SH3GL1: variants seen among roughly 807,000 people sequenced by gnomAD.
The protein encoded by SH3GL1 is SH3 domain containing GRB2 like 1, endophilin A2.
SH3GL1 carries 21 observed loss-of-function variants against 48.8 expected under a neutral mutation model. That is an observed-to-expected ratio of 0.43 (90% confidence interval 0.30 to 0.62). The LOEUF (loss-of-function observed/expected upper bound fraction) is 0.62, where lower values mean the gene tolerates loss of function less well. Among genes scored for constraint, SH3GL1 ranks in the 20% least tolerant of loss-of-function variants. The pLI is 0.11. For missense variants in SH3GL1, 454 were observed against 503.0 expected, an observed-to-expected ratio of 0.90 and a Z score of 0.93; for synonymous variants, 282 against 217.5, an observed-to-expected ratio of 1.30 and a Z score of -2.61.
intron 1 of SH3GL1, among the ~76,000 whole-genome samples, chr19:4,379,932 C>A (rs1410620194): frequency 6.6e-6 from 1 of 152,218 alleles, no homozygotes; most frequent in Non-Finnish European, 1.5e-5. Flanking sequence ...GAGCTACGAG[C>A]AGTAAGAATA....
chr19:4,381,378 G>A (rs943391562), intron 1 of SH3GL1, among the ~76,000 whole-genome samples: 1 of 93,010 alleles, frequency 1.1e-5, no homozygotes, highest in Non-Finnish European at 2.0e-5. Flanking sequence ...TCTCCCATCT[G>A]TCCCCTCTGC....
chr19:4,370,324 G>A (rs1599599230), intron 1 of SH3GL1, among the ~76,000 whole-genome samples: 2 of 152,192 alleles, frequency 1.3e-5, no homozygotes, highest in Admixed American at 1.3e-4. Flanking sequence ...AGCGGACTCA[G>A]CAGTGGCAAT....
intron 1 of SH3GL1, among the ~76,000 whole-genome samples, chr19:4,396,787 C>A (rs1431343549): frequency 6.6e-6 from 1 of 152,160 alleles, no homozygotes; most frequent in Non-Finnish European, 1.5e-5. Flanking sequence ...TATCGTCTAC[C>A]TACTAGTAGC....
Position 4,400,514 on chromosome 19 carries a change from T to A in SH3GL1, c.-146A>T. On this transcript the variant is annotated 5_prime_UTR_variant, in exon 1 of 10. Transcript: ENST00000269886. The surrounding 1 kb of genome is among the most constrained non-coding windows in gnomAD (Gnocchi z 4.1). ...GCTCCGCGCCCGCCCCGGCGCCGCC[T>A]CAGCCGCTCGCGCGCCCGCGCGGCC... The A allele has an allele frequency of 1.8e-6, 1 of 568,462 alleles. No homozygotes were observed. The highest frequency in any genetic ancestry group is 2.3e-6 in the Non-Finnish European group (1 of 443,868). The allele number at this position is 568,462 out of a possible 1,614,324, so 35.2% of individuals were successfully genotyped here.
chr19:4,379,776 A>C (rs1442247575), intron 1 of SH3GL1, among the ~76,000 whole-genome samples: 1 of 152,016 alleles, frequency 6.6e-6, no homozygotes, highest in Non-Finnish European at 1.5e-5. Flanking sequence ...CACTGCCAGG[A>C]TGGCTGCTGC....
chr19:4,376,570 G>C lies in SH3GL1; in HGVS notation c.46-9576C>G, dbSNP rs541579053. On this transcript the variant is annotated intron_variant, in intron 1 of 9. Coordinates refer to ENST00000269886, the MANE Select transcript of SH3GL1 (RefSeq NM_003025.4). The surrounding 1 kb of genome is among the most constrained non-coding windows in gnomAD (Gnocchi z 4.3). Reference sequence around the variant, plus strand: ...CCTCACCTTCTCCCAACACACCACTGATGCCTCCTCTCTCGTGCGCCTGCC... The same window carrying C: ...CCTCACCTTCTCCCAACACACCACTCATGCCTCCTCTCTCGTGCGCCTGCC... Among the ~76,000 whole-genome samples, 7 of 151,952 alleles carry C rather than the reference G, an allele frequency of 4.6e-5. No homozygotes were observed. The highest frequency in any genetic ancestry group is 8.8e-5 in the Non-Finnish European group (6 of 67,974).
At chr19:4,392,099 G>A (rs112074341) in intron 1 of SH3GL1, among the ~76,000 whole-genome samples, 217 of 152,196 alleles carry the variant, frequency 1.4e-3, no homozygotes, top group African/African-American at 5.0e-3. Flanking sequence ...GCCTTGTCCC[G>A]GGCACAGCCT....
At chr19:4,393,868 T>A (rs1353509325) in intron 1 of SH3GL1, among the ~76,000 whole-genome samples, 1 of 152,038 alleles carries the variant, frequency 6.6e-6, no homozygotes, top group African/African-American at 2.4e-5. Flanking sequence ...ATCGTTGACA[T>A]TCTGAAACAC....
chr19:4,362,157 G>A (rs575390527), intron 9 of SH3GL1, among the ~76,000 whole-genome samples, 172 bp downstream of exon 9: 8 of 152,256 alleles, frequency 5.3e-5, no homozygotes, highest in Non-Finnish European at 1.2e-4. Flanking sequence ...CTGTGAGGCT[G>A]AGACCCAGAG....
At chr19:4,379,908 T>C (rs1973087589) in intron 1 of SH3GL1, among the ~76,000 whole-genome samples, 1 of 152,210 alleles carries the variant, frequency 6.6e-6, no homozygotes, top group Non-Finnish European at 1.5e-5. Context: ...AAGGGACTGG[T>C]GCTGCCACTT....
intron 1 of SH3GL1, among the ~76,000 whole-genome samples, chr19:4,382,181 A>T (rs1385396402): frequency 6.6e-6 from 1 of 151,256 alleles, no homozygotes. Flanking sequence ...TGGCCCCTCA[A>T]CAGCTATCTC....
chr19:4,382,253 C>CTTTTTTTT (rs34085741), intron 1 of SH3GL1, among the ~76,000 whole-genome samples: 2 of 102,348 alleles, frequency 2.0e-5, no homozygotes, highest in Non-Finnish European at 1.9e-5. Context: ...GCTCCGCTTT[C>CTTTTTTTT]TTTTTTTTTT....
rs1241347126 is a variant in SH3GL1, at chr19:4,400,300, G to A, written c.45+24C>T. On this transcript the variant is annotated intron_variant, in intron 1 of 9. Coordinates refer to ENST00000269886, the MANE Select transcript of SH3GL1 (RefSeq NM_003025.4). This position sits in a 1 kb window ranked among gnomAD's most constrained non-coding sequence, Gnocchi z 4.1. ...CGGGCAGCCCGGGGCCCGGTACTCG[G>A]CTCCCGCCTGGGCCTGCGCTCACCT... 1.2e-5 allele frequency: 19 copies of A among 1,590,514 alleles called. No homozygotes were observed. The highest frequency in any genetic ancestry group is 1.4e-5 in the Non-Finnish European group (16 of 1,172,216).
Position 4,367,085 on chromosome 19 carries a change from A to G in SH3GL1, c.46-91T>C. ...CTGAGCCGCCTTCCAGCCACATCGC[A>G]TCCACAGCTGGAGGCAGGAGGCCAA... is the stretch of plus-strand genomic sequence containing the variant. On this transcript the variant is annotated intron_variant, in intron 1 of 9. Coordinates refer to ENST00000269886, the MANE Select transcript of SH3GL1 (RefSeq NM_003025.4). The surrounding 1 kb of genome is among the most constrained non-coding windows in gnomAD (Gnocchi z 4.2). 1 of 1,183,406 alleles carries G rather than the reference A, an allele frequency of 8.5e-7. No homozygotes were observed. The highest frequency in any genetic ancestry group is 1.3e-6 in the Non-Finnish European group (1 of 789,282). 73.3% of individuals were successfully genotyped at this position (1,183,406 alleles called of 1,614,324 possible).
At chr19:4,380,237 C>A (rs1973093492) in intron 1 of SH3GL1, 1 of 152,424 alleles carries the variant, frequency 6.6e-6, no homozygotes, top group African/African-American at 2.4e-5. Context: ...GGTCTGGAGC[C>A]ATCACTGAGG....
At position 4,364,085 on chromosome 19, in the gene SH3GL1, C is replaced by A; in HGVS notation, c.465+3G>T. On this transcript the variant is annotated splice_donor_region_variant and intron_variant, in intron 5 of 9. Transcript: ENST00000269886. Reference sequence around the variant, plus strand: ...AGGCCCCAGGCTGGCGCAGGAGCAGCACCTGGATCTCCTTCAGGTCTTTCT... The same window carrying A: ...AGGCCCCAGGCTGGCGCAGGAGCAGAACCTGGATCTCCTTCAGGTCTTTCT... 6.2e-7 allele frequency: 1 copy of A among 1,612,164 alleles called. No individual in the cohort carries two copies. Among genetic ancestry groups the A allele is most frequent in the Non-Finnish European group, 8.5e-7 (1 of 1,180,022 alleles).
At position 4,362,402 on chromosome 19, in the gene SH3GL1, CGAG is replaced by C. The variant is rs773096734; in HGVS notation, c.854-20_854-18del. On this transcript the variant is annotated intron_variant, in intron 8 of 9. Transcript: ENST00000269886. ...ACGATGAAGCTAAACACAAGCAAAA[CGAG>C]GAGGCTGTGGGCTCAAAACGGTCGG... The C allele has an allele frequency of 2.4e-5, 38 of 1,607,188 alleles. No individual in the cohort carries two copies. The highest frequency in any genetic ancestry group is 3.4e-5 in the Admixed American group (2 of 58,986).
rs552687602 is a variant in SH3GL1, at chr19:4,361,239, C to T, written c.*361G>A. 15 of 348,148 alleles carry T rather than the reference C, an allele frequency of 4.3e-5. No individual in the cohort carries two copies. The highest frequency in any genetic ancestry group is 8.3e-5 in the African/African-American group (4 of 48,058). 21.6% of individuals were successfully genotyped at this position (348,148 alleles called of 1,614,324 possible). ...GGGCCGGGCCCCCGTCGGGTCAGGA[C>T]GGAGGTGGGGGCTGCCCCAGAGGAA... On this transcript the variant is annotated 3_prime_UTR_variant, in exon 10 of 10. Transcript: ENST00000269886.
chr19:4,374,544 A>C (rs1317321303), intron 1 of SH3GL1, among the ~76,000 whole-genome samples: 2 of 152,200 alleles, frequency 1.3e-5, no homozygotes, highest in African/African-American at 4.8e-5. Flanking sequence ...GCATCCCGGA[A>C]GGCCTCCACC....
Sources: gnomAD v4.1 joint callset for allele counts (sites outside exome capture counted in the v4.1 genomes callset) on GRCh38, gnomAD v4.1.1 for gene constraint, Gnocchi (gnomAD v3.1) non-coding constraint, MANE v1.5 for transcripts, NCBI Gene and HGNC (gene_info 2026-07-23, HGNC 2026-07-21) for gene names.